TRIT1: variants seen among roughly 807,000 people sequenced by gnomAD.
TRIT1 encodes the protein tRNA isopentenyltransferase 1, also known as tRNA dimethylallyltransferase.
TRIT1 carries 43 observed loss-of-function variants against 51.2 expected under a neutral mutation model. The ratio of observed to expected loss-of-function variants is 0.84; its 90% confidence interval spans 0.66 to 1.08. The LOEUF (loss-of-function observed/expected upper bound fraction) is 1.08. Ranked by LOEUF, TRIT1 falls within the 50% of genes least tolerant of loss-of-function variation. TRIT1 has a pLI of 0.00. For missense variants in TRIT1, 528 were observed against 578.4 expected, an observed-to-expected ratio of 0.91 and a Z score of 0.89; for synonymous variants, 184 against 203.9, an observed-to-expected ratio of 0.90 and a Z score of 0.83.
At chr1:39,878,341 G>A (rs949694083) in intron 1 of TRIT1, among the ~76,000 whole-genome samples, 17 of 152,172 alleles carry the variant, frequency 1.1e-4, no homozygotes, top group African/African-American at 3.9e-4. Context: ...AAAGCTTAAA[G>A]TACTTATTCA....
intron 1 of TRIT1, among the ~76,000 whole-genome samples, chr1:39,859,137 C>G (rs1643074983): frequency 6.6e-6 from 1 of 151,668 alleles, no homozygotes; most frequent in South Asian, 2.1e-4. Flanking sequence ...GCCTATAATC[C>G]TAGCTATACT....
intron 1 of TRIT1, among the ~76,000 whole-genome samples, chr1:39,881,267 T>C (rs955654266): frequency 1.7e-4 from 26 of 149,108 alleles, no homozygotes; most frequent in Admixed American, 4.7e-4. Context: ...TGATAGAACA[T>C]AAATATTGGC....
At chr1:39,876,764 T>C (rs1464814527) in intron 1 of TRIT1, among the ~76,000 whole-genome samples, 1 of 151,414 alleles carries the variant, frequency 6.6e-6, no homozygotes, top group Admixed American at 6.6e-5. Flanking sequence ...CTGTCTCTAC[T>C]AAAAATACAA....
chr1:39,850,149 A>G lies in TRIT1; in HGVS notation c.673T>C (p.Cys225Arg). Residue 225 changes from cysteine (C) to arginine (R), a missense_variant, in exon 5 of 11, where the codon TGC becomes CGC. Physicochemically the swap from Cys to Arg is radical, Grantham distance 180 (BLOSUM62 -3). Coordinates refer to ENST00000316891, the MANE Select transcript of TRIT1 (RefSeq NM_017646.6). ...LGGPLKFSNP[C>R]ILWLHADQAV... ...TGGTCAGCATGAAGCCAAAGGATGCAAGGGTTAGAGAACTTCAGAGGACCT... is the reference window on the plus strand; with the variant it reads ...TGGTCAGCATGAAGCCAAAGGATGCGAGGGTTAGAGAACTTCAGAGGACCT... 6.2e-7 allele frequency: 1 copy of G among 1,614,170 alleles called. No homozygotes were observed. The highest frequency in any genetic ancestry group is 1.7e-5 in the Admixed American group (1 of 60,022).
rs201938274 is a variant in TRIT1 at position 39,853,960 on chromosome 1, C to G, written c.414+10G>C. The G allele has an allele frequency of 1.2e-5, 19 of 1,594,504 alleles. No homozygotes were observed. The African/African-American group carries it at 2.4e-4, about 20-fold the overall frequency. ...ATTTCCTCAGTGAGTTACGAGTGAA[C>G]TAAACTTACCTTGGTATTGACAAGA... On this transcript the variant is annotated intron_variant, in intron 3 of 10. Coordinates refer to ENST00000316891, the MANE Select transcript of TRIT1 (RefSeq NM_017646.6).
At chr1:39,851,473 G>T (rs1052445348) in intron 4 of TRIT1, among the ~76,000 whole-genome samples, 3 of 152,078 alleles carry the variant, frequency 2.0e-5, no homozygotes, top group African/African-American at 4.8e-5. Flanking sequence ...AAAAAAAATT[G>T]AATGTTTTCT....
At chr1:39,873,472 A>G (rs990931132) in intron 1 of TRIT1, among the ~76,000 whole-genome samples, 10 of 152,230 alleles carry the variant, frequency 6.6e-5, no homozygotes, top group African/African-American at 2.4e-4. Flanking sequence ...AAAACTGTCA[A>G]AGATTGGAGG....
chr1:39,854,439 G>A (rs750486626), intron 2 of TRIT1, among the ~76,000 whole-genome samples: 1 of 152,200 alleles, frequency 6.6e-6, no homozygotes, highest in Non-Finnish European at 1.5e-5. Context: ...GACATCCATT[G>A]CATGACTTTG....
chr1:39,845,072 C>T (rs972207051), intron 8 of TRIT1, among the ~76,000 whole-genome samples: 2 of 152,236 alleles, frequency 1.3e-5, no homozygotes, highest in African/African-American at 4.8e-5. Flanking sequence ...ATACTAGTCT[C>T]GGGTTTGCAT....
At chr1:39,882,663 A>G (rs1644300537) in intron 1 of TRIT1, among the ~76,000 whole-genome samples, 1 of 152,258 alleles carries the variant, frequency 6.6e-6, no homozygotes, top group Non-Finnish European at 1.5e-5. Context: ...TATTCCGGAC[A>G]GGGCACTCTG....
rs1328545531 is a variant in TRIT1, at chr1:39,883,421, G to A, written c.71C>T (p.Pro24Leu). The change falls in exon 1 of 11, where the codon CCT becomes CTT. Residue 24 changes from proline (P) to leucine (L), a missense_variant. Physicochemically the swap from Pro to Leu is moderately conservative, Grantham distance 98. Transcript: ENST00000316891. ...CGTGGCCCCGAGAATCACTACAAGA[G>A]GTAGGGTCCGTTGCAGGCCCCTGAG... is the stretch of plus-strand genomic sequence containing the variant. Reference protein sequence around the residue: ...SGLRGLQRTLPLVVILGATGT... With the variant: ...SGLRGLQRTLLLVVILGATGT... 1 of 1,613,766 alleles carries A rather than the reference G, an allele frequency of 6.2e-7. No individual in the cohort carries two copies. The highest frequency in any genetic ancestry group is 8.5e-7 in the Non-Finnish European group (1 of 1,179,846).
chr1:39,841,905 T>C lies in TRIT1; in HGVS notation c.1243A>G (p.Lys415Glu). 1 of 1,611,424 alleles carries C rather than the reference T, an allele frequency of 6.2e-7. No individual in the cohort carries two copies. Among genetic ancestry groups the C allele is most frequent in the Non-Finnish European group, 8.5e-7 (1 of 1,179,232 alleles). ...AGTTGGTTCAAGTGGGATTTGGATT[T>C]TATGTGCGCTGATAAGACAAAATCA... ...IGDREWAAHIKSKSHLNQLKK... is the reference protein window; with the variant it reads ...IGDREWAAHIESKSHLNQLKK... The change falls in exon 11 of 11, where the codon AAA becomes GAA. Residue 415 changes from lysine (K) to glutamate (E), a missense_variant. By Grantham distance (56) the Lys-to-Glu change is moderately conservative. This residue lies in a region of TRIT1 where 468 missense variants were observed against 522.6 expected (regional missense o/e 0.90). Transcript: ENST00000316891.
In TRIT1 at chr1:39,841,768, A is replaced by T. The variant is rs761390528; in HGVS notation, c.1380T>A (p.Asp460Glu). ...CTTAAACGCTGCATTTCAGCTCTTG[A>T]TCATTCTGCCCTGGGGATCCCTTCT... ...PKEKGSPGQNDQELKCSV is the reference protein window; with the variant it reads ...PKEKGSPGQNEQELKCSV The change falls in exon 11 of 11, where the codon GAT becomes GAA. Residue 460 changes from aspartate to glutamate, a missense_variant. Transcript: ENST00000316891. 28 of 1,612,304 alleles carry T rather than the reference A, an allele frequency of 1.7e-5. No individual in the cohort carries two copies. The highest frequency in any genetic ancestry group is 2.3e-5 in the Non-Finnish European group (27 of 1,179,532).
rs141101045 is a variant in TRIT1 at position 39,844,171 on chromosome 1, A to G, written c.1164T>C (p.Ala388=). The change falls in exon 10 of 11, where the codon GCT becomes GCC. Residue 388 remains alanine (A), a synonymous_variant. Coordinates refer to ENST00000316891, the MANE Select transcript of TRIT1 (RefSeq NM_017646.6). ...ACAGGTGATAACTTCTCTTGTTCTCAGCTTCATTGTATGGCATCTTTATTG... is the reference window on the plus strand; with the variant it reads ...ACAGGTGATAACTTCTCTTGTTCTCGGCTTCATTGTATGGCATCTTTATTG... ...ATPIKMPYNE[A]ENKRSYHLCD... 6.2e-7 allele frequency: 1 copy of G among 1,614,106 alleles called. No homozygotes were observed. The highest frequency in any genetic ancestry group is 1.3e-5 in the African/African-American group (1 of 74,942).
chr1:39,867,812 C>T (rs369739367), intron 1 of TRIT1, among the ~76,000 whole-genome samples: 15 of 152,288 alleles, frequency 9.8e-5, no homozygotes, highest in African/African-American at 3.6e-4. Context: ...ATTTCTGCTG[C>T]CACTCACTAG....
chr1:39,872,381 G>C (rs1643907116), intron 1 of TRIT1, among the ~76,000 whole-genome samples: 1 of 152,064 alleles, frequency 6.6e-6, no homozygotes, highest in Non-Finnish European at 1.5e-5. Flanking sequence ...ACTCGATACT[G>C]TAAGGATAAA....
At chr1:39,883,215 C>T (rs1644317202) in intron 1 of TRIT1, 103 bp downstream of exon 1, 2 of 1,285,196 alleles carry the variant, frequency 1.6e-6, no homozygotes, top group African/African-American at 1.5e-5. Flanking sequence ...CCTACCCCCT[C>T]CGCCCCTACA....
At position 39,844,548 on chromosome 1, in the gene TRIT1, C is replaced by T. The variant is rs371087760; in HGVS notation, c.1099G>A (p.Val367Met). The T allele has an allele frequency of 3.3e-5, 53 of 1,613,452 alleles. No individual in the cohort carries two copies. The highest frequency in any genetic ancestry group is 5.0e-5 in the Admixed American group (3 of 59,994). Reference protein sequence around the residue: ...ESVLEPALEIVQSFIQGHKPT... With the variant: ...ESVLEPALEIMQSFIQGHKPT... The stretch of plus-strand genomic sequence containing the variant: ...ATAATTACCTGGATGAAACTTTGCA[C>T]GATTTCAAGAGCAGGTTCAAGAACA... Residue 367 changes from valine to methionine, a missense_variant, in exon 9 of 11, where the codon GTG becomes ATG. Physicochemically the swap from Val to Met is conservative, Grantham distance 21. Around this residue, in one of 3 missense-constraint regions of TRIT1, gnomAD observed 468 missense variants for 522.6 expected, o/e 0.90. Transcript: ENST00000316891.
At chr1:39,869,198 C>T (rs1643729774) in intron 1 of TRIT1, among the ~76,000 whole-genome samples, 1 of 152,152 alleles carries the variant, frequency 6.6e-6, no homozygotes, top group East Asian at 1.9e-4. Context: ...ACTGCAACCT[C>T]CCTGCCTGAT....
Sources: gnomAD v4.1 joint callset for allele counts (sites outside exome capture counted in the v4.1 genomes callset) on GRCh38, gnomAD v4.1.1 for gene constraint, gnomAD v4.1.1 regional missense constraint, MANE v1.5 for transcripts, NCBI Gene and HGNC (gene_info 2026-07-23, HGNC 2026-07-21) for gene names.